Variants in ETFDH observed in about 807,000 individuals in gnomAD.
ETFDH encodes the protein electron transfer flavoprotein-ubiquinone oxidoreductase, mitochondrial.
Under a neutral mutation model 73.2 loss-of-function variants are expected in ETFDH, and 61 were observed. The observed-to-expected ratio is 0.83, with a 90% CI of 0.68 to 1.03. ETFDH has a LOEUF of 1.03. Among genes scored for constraint, ETFDH ranks in the 50% least tolerant of loss-of-function variants. The pLI is 0.00. For missense variants in ETFDH, 685 were observed against 745.0 expected (o/e 0.92, Z 0.94); for synonymous variants, 243 against 253.3 (o/e 0.96, Z 0.39).
At chr4:158,693,503 G>T (rs1774232716) in intron 6 of ETFDH, among the ~76,000 whole-genome samples, 1 of 152,180 alleles carries the variant, frequency 6.6e-6, no homozygotes, top group African/African-American at 2.4e-5. Flanking sequence ...AGAAGAAACA[G>T]AAATATGTTC....
chr4:158,708,378 G>T lies in ETFDH; in HGVS notation c.1705G>T (p.Val569Leu), dbSNP rs762923670. 18 of 1,610,200 alleles carry T rather than the reference G, an allele frequency of 1.1e-5. No individual in the cohort carries two copies. In the Admixed American group the frequency reaches 2.7e-4, roughly 24 times the overall value. Residue 569 changes from valine to leucine, a missense_variant, in exon 13 of 13, where the codon GTA (valine) becomes TTA (leucine). Physicochemically the swap from Val to Leu is conservative, Grantham distance 32. Coordinates refer to ENST00000511912, the MANE Select transcript of ETFDH (RefSeq NM_004453.4). ...RFCPAGVYEF[V>L]PVEQGDGFRL... ...TTACTTTTCAGGAGTTTATGAATTT[G>T]TACCTGTGGAACAAGGTGATGGATT...
intron 1 of ETFDH, among the ~76,000 whole-genome samples, chr4:158,677,692 AG>A (rs1773744717): frequency 6.6e-6 from 1 of 152,220 alleles, no homozygotes; most frequent in Non-Finnish European, 1.5e-5. Context: ...TGCTACAAAG[AG>A]TCTGTTCTGT....
Position 158,703,619 on chromosome 4 carries a change from A to G in ETFDH, c.1285+28A>G, listed in dbSNP as rs764650412. The G allele has an allele frequency of 2.6e-5, 36 of 1,400,014 alleles. 1 individual carries two copies. Among genetic ancestry groups the G allele is most frequent in the South Asian group, 1.2e-4 (10 of 86,268 alleles). 86.7% of individuals were successfully genotyped at this position (1,400,014 alleles called of 1,614,324 possible). ...AAGAAATTCCTGTGTAAAGTATACA[A>G]AAGAAAATTGCTGGGTTATGTGTAT... On this transcript the variant is annotated intron_variant, in intron 10 of 12. Coordinates refer to ENST00000511912, the MANE Select transcript of ETFDH (RefSeq NM_004453.4).
chr4:158,688,217 C>T (rs1283221699), intron 5 of ETFDH, among the ~76,000 whole-genome samples: 1 of 148,246 alleles, frequency 6.7e-6, no homozygotes, highest in Admixed American at 6.7e-5. Flanking sequence ...CATGGTGAAA[C>T]CCCCTCTCTA....
At chr4:158,694,533 G>T (rs1242392380) in intron 6 of ETFDH, among the ~76,000 whole-genome samples, 2 of 151,490 alleles carry the variant, frequency 1.3e-5, no homozygotes, top group East Asian at 1.9e-4. Context: ...GGCGGAGGTT[G>T]CAGTGAGCCG....
chr4:158,697,315 G>A (rs944766643), intron 7 of ETFDH, among the ~76,000 whole-genome samples: 1 of 151,986 alleles, frequency 6.6e-6, no homozygotes, highest in Non-Finnish European at 1.5e-5. Context: ...GGATGGTCTC[G>A]AACTCCTGAC....
At position 158,706,258 on chromosome 4, in the gene ETFDH, G is replaced by A; in HGVS notation, c.1355G>A (p.Arg452Lys). 5.0e-6 allele frequency: 8 copies of A among 1,611,206 alleles called. No individual in the cohort carries two copies. The highest frequency in any genetic ancestry group is 6.8e-6 in the Non-Finnish European group (8 of 1,177,282). Reference protein sequence around the residue: ...SWVWKELYSVRNIRPSCHGVL... With the variant: ...SWVWKELYSVKNIRPSCHGVL... ...GTATGGAAAGAGCTATATTCTGTTA[G>A]AAATATAAGACCGTCCTGCCACGGA... Residue 452 changes from arginine to lysine, a missense_variant, in exon 11 of 13, where the codon AGA (arginine) becomes AAA (lysine). Arg to Lys is a conservative substitution (Grantham distance 26, BLOSUM62 2). This residue lies in a region of ETFDH where 201 missense variants were observed against 225.2 expected (regional missense o/e 0.89). Coordinates refer to ENST00000511912, the MANE Select transcript of ETFDH (RefSeq NM_004453.4).
chr4:158,708,324 A>T, intron 12 of ETFDH, 40 bp from the exon 13 acceptor site: 1 of 1,509,642 alleles, frequency 6.6e-7, no homozygotes, highest in Non-Finnish European at 9.1e-7. Context: ...AAAATTTTTT[A>T]AAGTTAGGCA....
intron 8 of ETFDH, 68 bp downstream of exon 8, chr4:158,697,767 A>G: frequency 7.0e-7 from 1 of 1,424,418 alleles, no homozygotes; most frequent in Non-Finnish European, 9.9e-7. Context: ...TTATAAAATA[A>G]GGGTTTTGAA....
chr4:158,685,187 G>T lies in ETFDH; in HGVS notation c.574G>T (p.Val192Phe). Reference protein sequence around the residue: ...WMGEQAEALGVEVYPGYAAAE... With the variant: ...WMGEQAEALGFEVYPGYAAAE... Reference sequence around the variant, plus strand: ...GGGCGAACAAGCAGAAGCCCTTGGTGTTGAAGTATACCCTGGTTATGCAGC... The same window carrying T: ...GGGCGAACAAGCAGAAGCCCTTGGTTTTGAAGTATACCCTGGTTATGCAGC... Residue 192 changes from valine to phenylalanine, a missense_variant, in exon 5 of 13, where the codon GTT becomes TTT. Physicochemically the swap from Val to Phe is conservative, Grantham distance 50 (BLOSUM62 -1). Coordinates refer to ENST00000511912, the MANE Select transcript of ETFDH (RefSeq NM_004453.4). The T allele has an allele frequency of 2.5e-6, 4 of 1,609,914 alleles. No homozygotes were observed. The highest frequency in any genetic ancestry group is 3.4e-6 in the Non-Finnish European group (4 of 1,176,330).
chr4:158,699,505 G>A (rs6855970), intron 9 of ETFDH, among the ~76,000 whole-genome samples: 1,940 of 152,294 alleles, frequency 0.013, 44 homozygotes, highest in African/African-American at 0.042. Flanking sequence ...AGGAGGTGGA[G>A]GTTGCAGTGA....
chr4:158,702,442 ATC>A (rs1380090373), intron 9 of ETFDH, among the ~76,000 whole-genome samples: 1 of 151,934 alleles, frequency 6.6e-6, no homozygotes, highest in Admixed American at 6.6e-5. Flanking sequence ...ACATTAACCA[ATC>A]TCCATATCCC....
intron 2 of ETFDH, chr4:158,681,957 TAATA>T (rs1773869878): frequency 3.7e-6 from 2 of 537,180 alleles, no homozygotes; most frequent in African/African-American, 1.9e-5. Context: ...AAATGTATAA[TAATA>T]AATCTCAAAG....
chr4:158,692,165 A>G (rs1774182563), intron 6 of ETFDH, among the ~76,000 whole-genome samples: 1 of 152,084 alleles, frequency 6.6e-6, no homozygotes, highest in Non-Finnish European at 1.5e-5. Flanking sequence ...AGGCTGAGGC[A>G]GGCAGATCAC....
At chr4:158,672,598 C>T in intron 1 of ETFDH, 108 bp downstream of exon 1, 1 of 1,166,438 alleles carries the variant, frequency 8.6e-7, no homozygotes, top group South Asian at 1.2e-5. Flanking sequence ...TCAGCTTTCT[C>T]AGGCTATCTA....
At chr4:158,672,616 G>A in intron 1 of ETFDH, 126 bp downstream of exon 1, 1 of 986,960 alleles carries the variant, frequency 1.0e-6, no homozygotes, top group South Asian at 1.3e-5. Context: ...CTAGGGCAAA[G>A]GTCACGCGCT....
At chr4:158,697,493 T>C in intron 7 of ETFDH, 66 bp from the exon 8 acceptor site, 4 of 1,374,180 alleles carry the variant, frequency 2.9e-6, no homozygotes, top group Non-Finnish European at 4.1e-6. Flanking sequence ...GTTTTATGCA[T>C]TGTGGTGACA....
intron 10 of ETFDH, among the ~76,000 whole-genome samples, chr4:158,705,097 G>A (rs1233195453): frequency 1.3e-5 from 2 of 152,178 alleles, no homozygotes; most frequent in African/African-American, 2.4e-5. Flanking sequence ...AGGAAACAAT[G>A]ACTGGAAAAA....
intron 10 of ETFDH, among the ~76,000 whole-genome samples, chr4:158,704,690 A>G (rs572420596): frequency 6.6e-6 from 1 of 152,318 alleles, no homozygotes; most frequent in African/African-American, 2.4e-5. Flanking sequence ...TGAATCCTAC[A>G]TACCTGGCAC....
Sources: allele counts gnomAD v4.1 joint callset (sites outside exome capture counted in the v4.1 genomes callset), GRCh38; gene constraint gnomAD v4.1.1; regional missense constraint gnomAD v4.1.1; transcripts MANE v1.5; gene names NCBI Gene and HGNC (gene_info 2026-07-23, HGNC 2026-07-21).